DAB1: variants seen among roughly 807,000 people sequenced by gnomAD.
DAB1 encodes the protein DAB adaptor protein 1.
In DAB1, 15 loss-of-function variants were observed where a neutral mutation model predicts 64.6. The observed-to-expected ratio is 0.23, with a 90% CI of 0.16 to 0.36. The LOEUF (loss-of-function observed/expected upper bound fraction) is 0.36. Among genes scored for constraint, DAB1 ranks in the 10% least tolerant of loss-of-function variants. The pLI is 1.00. For synonymous variants in DAB1, 235 were observed against 251.9 expected, an observed-to-expected ratio of 0.93 and a Z score of 0.64; for missense variants, 596 against 706.7, an observed-to-expected ratio of 0.84 and a Z score of 1.78.
chr1:58,546,252 A>G (rs2087799), intron 1 of DAB1, among the ~76,000 whole-genome samples: 98,828 of 152,186 alleles, frequency 0.65, 34,203 homozygotes, highest in East Asian at 0.94. Flanking sequence ...GAAAGAGACG[A>G]ATGCCCGACG....
chr1:58,264,851 T>A (rs1305128943), intron 4 of DAB1, among the ~76,000 whole-genome samples: 9 of 152,216 alleles, frequency 5.9e-5, no homozygotes, highest in Admixed American at 5.9e-4. Flanking sequence ...AGGAGAAGCA[T>A]GAGTTTTGAT....
At chr1:57,778,909 C>T (rs750494398) in intron 6 of DAB1, among the ~76,000 whole-genome samples, 11 of 151,658 alleles carry the variant, frequency 7.3e-5, no homozygotes, top group Non-Finnish European at 1.3e-4. Context: ...CCCTTACTCA[C>T]TCCCTCCCTT....
chr1:57,695,271 A>AG lies in DAB1; in HGVS notation n.552-45607dup, dbSNP rs1422173262. On this transcript the variant is annotated intron_variant and non_coding_transcript_variant, in intron 6 of 20. Transcript: ENST00000485760. ...AAAGAAAGAAAGAAGGAAGGAAGGAAGGAAGGAAGGAAGAAAGGGAGAGAG... is the reference window on the plus strand; with the variant it reads ...AAAGAAAGAAAGAAGGAAGGAAGGAAGGGAAGGAAGGAAGAAAGGGAGAGAG... 1.6e-3 allele frequency among the ~76,000 whole-genome samples: 211 copies of AG among 132,974 alleles called. 39 individuals carry two copies. Among genetic ancestry groups the AG allele is most frequent in the African/African-American group, 2.8e-3 (100 of 35,896 alleles). 87.2% of individuals were successfully genotyped at this position (132,974 alleles called of 152,430 possible). A position where few individuals can be genotyped will look rare whatever the true frequency, so the allele number is the denominator to read the frequency against.
At chr1:58,051,227 T>C (rs531605935) in intron 5 of DAB1, among the ~76,000 whole-genome samples, 86 of 149,940 alleles carry the variant, frequency 5.7e-4, no homozygotes, top group Non-Finnish European at 1.2e-3. Context: ...GGCCCCAGTA[T>C]ATGATGTTCC....
chr1:57,723,350 G>A (rs1647173184), intron 6 of DAB1, among the ~76,000 whole-genome samples: 1 of 152,154 alleles, frequency 6.6e-6, no homozygotes. Context: ...GTACTCATAT[G>A]AATGTTTTTT....
intron 7 of DAB1, among the ~76,000 whole-genome samples, chr1:57,540,147 C>T (rs938715629): frequency 1.6e-4 from 24 of 152,126 alleles, no homozygotes; most frequent in African/African-American, 2.9e-4. Flanking sequence ...CTCTTCTAAA[C>T]GCAGATTTAA....
upstream of DAB1, among the ~76,000 whole-genome samples, chr1:57,426,008 A>G (rs1364926384): frequency 6.6e-6 from 1 of 152,208 alleles, no homozygotes; most frequent in Admixed American, 6.5e-5. Context: ...GACATGGTCG[A>G]AACAGGGGAA....
intron 7 of DAB1, among the ~76,000 whole-genome samples, chr1:57,636,322 A>G (rs554345795): frequency 6.6e-6 from 1 of 152,206 alleles, no homozygotes; most frequent in South Asian, 2.1e-4. Flanking sequence ...GTGAGAAAAT[A>G]AATGTCTGTT....
intron 4 of DAB1, among the ~76,000 whole-genome samples, chr1:58,316,465 C>T (rs984658219): frequency 2.6e-5 from 4 of 152,100 alleles, no homozygotes; most frequent in African/African-American, 4.8e-5. Flanking sequence ...AGGCTGGGTG[C>T]TGGGGACACA....
intron 7 of DAB1, among the ~76,000 whole-genome samples, chr1:57,487,005 G>A (rs1644100968): frequency 6.6e-6 from 1 of 151,720 alleles, no homozygotes; most frequent in African/African-American, 2.4e-5. Flanking sequence ...ATAAATGTCA[G>A]GAACAGGTTC....
intron 4 of DAB1, among the ~76,000 whole-genome samples, chr1:58,266,542 A>T (rs1446107367): frequency 1.3e-5 from 2 of 152,200 alleles, no homozygotes; most frequent in African/African-American, 2.4e-5. Flanking sequence ...TCATTCATAA[A>T]GTAAAGATAG....
chr1:57,422,052 G>A (rs1367477072), intron 1 of DAB1, among the ~76,000 whole-genome samples: 1 of 152,170 alleles, frequency 6.6e-6, no homozygotes, highest in East Asian at 1.9e-4. Flanking sequence ...GGGTGGGGAT[G>A]GTTTGTAATT....
At chr1:57,690,996 A>T (rs1211840172) in intron 6 of DAB1, among the ~76,000 whole-genome samples, 1 of 151,992 alleles carries the variant, frequency 6.6e-6, no homozygotes, top group Admixed American at 6.6e-5. Flanking sequence ...GGATCATTGA[A>T]TTTTTTTCCT....
intron 1 of DAB1, among the ~76,000 whole-genome samples, chr1:57,387,821 C>CCAA (rs1682007422): frequency 9.6e-6 from 1 of 104,322 alleles, no homozygotes; most frequent in African/African-American, 3.5e-5. Flanking sequence ...GACTCAGCCT[C>CCAA]AAAAAAAAAA....
intron 5 of DAB1, among the ~76,000 whole-genome samples, chr1:57,899,018 G>A (rs976483108): frequency 8.0e-5 from 11 of 136,740 alleles, no homozygotes; most frequent in Admixed American, 6.4e-4. Flanking sequence ...TAAGAATGCA[G>A]CTTTTTTTTT....
chr1:58,135,700 A>G (rs1167007783), intron 5 of DAB1, among the ~76,000 whole-genome samples: 1 of 152,186 alleles, frequency 6.6e-6, no homozygotes, highest in Non-Finnish European at 1.5e-5. Flanking sequence ...TACTTCAGGA[A>G]ATGCTGCTTT....
chr1:57,933,136 A>C (rs1466879736), intron 5 of DAB1, among the ~76,000 whole-genome samples: 2 of 152,230 alleles, frequency 1.3e-5, no homozygotes, highest in African/African-American at 4.8e-5. Context: ...GGTACCCTAT[A>C]AGGTTTATAA....
chr1:58,083,067 T>C (rs1245499532), intron 5 of DAB1, among the ~76,000 whole-genome samples: 1 of 152,216 alleles, frequency 6.6e-6, no homozygotes, highest in African/African-American at 2.4e-5. Context: ...ACCCTGCCTT[T>C]TTCTCCTCAG....
chr1:58,105,545 G>A (rs755008021), intron 5 of DAB1, among the ~76,000 whole-genome samples: 45 of 152,248 alleles, frequency 3.0e-4, no homozygotes, highest in African/African-American at 1.1e-3. Flanking sequence ...CCCTACTATC[G>A]ATGCAAACAT....
Sources: gnomAD v4.1 joint callset for allele counts (sites outside exome capture counted in the v4.1 genomes callset) on GRCh38, gnomAD v4.1.1 for gene constraint, MANE v1.5 for transcripts, NCBI Gene and HGNC (gene_info 2026-07-23, HGNC 2026-07-21) for gene names.